KLHL29: variants seen among roughly 807,000 people sequenced by gnomAD.
KLHL29 encodes the protein kelch-like protein 29.
In KLHL29, 21 loss-of-function variants were observed where a neutral mutation model predicts 80.4. The ratio of observed to expected loss-of-function variants is 0.26; its 90% CI spans 0.19 to 0.38. The LOEUF (loss-of-function observed/expected upper bound fraction) is 0.38. KLHL29 is among the 10% of genes least tolerant of loss of function. The probability of loss-of-function intolerance (pLI) is 1.00; values close to 1 mark genes in which losing one functional copy is unlikely to be tolerated. For missense variants in KLHL29, 867 were observed against 1,223.9 expected (o/e 0.71, Z 4.35); for synonymous variants, 511 against 526.8 (o/e 0.97, Z 0.41).
At chr2:23,532,104 A>C (rs573761053) in intron 2 of KLHL29, among the ~76,000 whole-genome samples, 2 of 152,078 alleles carry the variant, frequency 1.3e-5, no homozygotes, top group South Asian at 4.1e-4. Flanking sequence ...ACGACCCCCC[A>C]CAGACCAGAA....
intron 7 of KLHL29, 21 bp downstream of exon 7, chr2:23,691,897 T>C (rs945625847): frequency 6.5e-7 from 1 of 1,545,250 alleles, no homozygotes; most frequent in East Asian, 2.4e-5. Context: ...GGGCCACATA[T>C]GTCGCTTGGG....
intron 1 of KLHL29, among the ~76,000 whole-genome samples, chr2:23,448,163 C>G (rs1663764634): frequency 6.6e-6 from 1 of 152,048 alleles, no homozygotes; most frequent in African/African-American, 2.4e-5. Flanking sequence ...TGTGAGAAGA[C>G]TAGGAAAGAG....
chr2:23,488,847 A>G (rs1273588240), intron 2 of KLHL29, among the ~76,000 whole-genome samples: 1 of 152,192 alleles, frequency 6.6e-6, no homozygotes, highest in Non-Finnish European at 1.5e-5. Flanking sequence ...TCTGGTGACT[A>G]ATGCAAAGCC....
At chr2:23,598,260 A>G (rs111678842) in intron 3 of KLHL29, among the ~76,000 whole-genome samples, 180 of 152,332 alleles carry the variant, frequency 1.2e-3, no homozygotes, top group African/African-American at 4.2e-3. Flanking sequence ...TTTAAGATAA[A>G]AAAAAACCGA....
intron 1 of KLHL29, among the ~76,000 whole-genome samples, chr2:23,410,989 A>G (rs547277131): frequency 1.1e-4 from 17 of 152,192 alleles, no homozygotes; most frequent in South Asian, 2.1e-4. Flanking sequence ...TTTCTGAACA[A>G]TGAGCCTTCA....
chr2:23,609,141 G>A (rs1050232416), intron 3 of KLHL29, among the ~76,000 whole-genome samples: 2 of 152,104 alleles, frequency 1.3e-5, no homozygotes, highest in Non-Finnish European at 2.9e-5. Context: ...TAAGTGTCTC[G>A]AACATGCCAG....
At chr2:23,554,653 A>T (rs1356574242) in intron 2 of KLHL29, among the ~76,000 whole-genome samples, 4 of 152,162 alleles carry the variant, frequency 2.6e-5, no homozygotes, top group Admixed American at 1.3e-4. Context: ...CATCCCGCCC[A>T]TGAGCTCAGG....
intron 3 of KLHL29, among the ~76,000 whole-genome samples, chr2:23,572,029 T>A (rs973190456): frequency 1.3e-5 from 2 of 152,210 alleles, no homozygotes; most frequent in Non-Finnish European, 2.9e-5. Context: ...CACTCGCTGC[T>A]GCATACAGGG....
At chr2:23,664,161 G>A (rs1447334350) in intron 5 of KLHL29, among the ~76,000 whole-genome samples, 2 of 152,190 alleles carry the variant, frequency 1.3e-5, no homozygotes, top group Non-Finnish European at 2.9e-5. Context: ...ACTTAATAGA[G>A]TTAATCACCT....
chr2:23,593,215 G>C (rs1193944529), intron 3 of KLHL29, among the ~76,000 whole-genome samples: 1 of 152,324 alleles, frequency 6.6e-6, no homozygotes, highest in South Asian at 2.1e-4. Context: ...CTTGTTGACT[G>C]TCCAGGACTT....
Position 23,670,966 on chromosome 2 carries a change from C to G in KLHL29, c.941-13433C>G, listed in dbSNP as rs960686029. Reference sequence around the variant, plus strand: ...TCTCTCTCTCTCTCTCTCTCTCTCTCTCTCTCTCTCTCTCCCTCCCTCCCT... The same window carrying G: ...TCTCTCTCTCTCTCTCTCTCTCTCTGTCTCTCTCTCTCTCCCTCCCTCCCT... On this transcript the variant is annotated intron_variant, in intron 5 of 13. Coordinates refer to ENST00000486442, the MANE Select transcript of KLHL29 (RefSeq NM_052920.2). Among the ~76,000 whole-genome samples, 2 of 24,296 alleles carry G rather than the reference C, an allele frequency of 8.2e-5. 1 individual carries two copies. Among genetic ancestry groups the G allele is most frequent in the African/African-American group, 2.0e-4 (2 of 10,242 alleles). The allele number at this position is 24,296 out of a possible 152,430, so 15.9% of individuals were successfully genotyped here.
intron 1 of KLHL29, among the ~76,000 whole-genome samples, chr2:23,415,124 C>A (rs1283554461): frequency 6.6e-6 from 1 of 152,230 alleles, no homozygotes; most frequent in Non-Finnish European, 1.5e-5. Flanking sequence ...GCTGCAAATG[C>A]TGCAGTTCTG....
chr2:23,506,516 G>A (rs188003058), intron 2 of KLHL29, among the ~76,000 whole-genome samples: 16 of 152,254 alleles, frequency 1.1e-4, no homozygotes, highest in Non-Finnish European at 1.6e-4. Flanking sequence ...TTACTCCACC[G>A]CCTTGCCAGG....
chr2:23,532,997 C>A (rs1039219114), intron 2 of KLHL29, among the ~76,000 whole-genome samples: 1 of 152,162 alleles, frequency 6.6e-6, no homozygotes, highest in African/African-American at 2.4e-5. Flanking sequence ...CTGCAACTCA[C>A]AGGCCCCCAA....
intron 3 of KLHL29, among the ~76,000 whole-genome samples, chr2:23,605,235 C>T (rs1302425461): frequency 1.3e-5 from 2 of 151,784 alleles, no homozygotes; most frequent in African/African-American, 4.8e-5. Context: ...TCTCAGCCTC[C>T]TGAGTAGCTG....
chr2:23,615,975 G>C (rs997483222), intron 3 of KLHL29, among the ~76,000 whole-genome samples: 1 of 152,124 alleles, frequency 6.6e-6, no homozygotes, highest in African/African-American at 2.4e-5. Flanking sequence ...GTGGCCTCTG[G>C]GCTTCCAGTT....
chr2:23,684,425 C>T lies in KLHL29; in HGVS notation c.967C>T (p.Arg323Cys), dbSNP rs1671178672. ...REMLKELNQQ[R>C]RAKAFTDLKI... is the part of the protein sequence containing the mutation. ...AATGTTGAAGGAATTGAACCAGCAA[C>T]GCAGAGCGAAAGCGTTTACAGACCT... is the stretch of plus-strand genomic sequence containing the variant. Residue 323 changes from arginine (R) to cysteine (C), a missense_variant, in exon 6 of 14, where the codon CGC (arginine) becomes TGC (cysteine). Transcript: ENST00000486442. The surrounding 1 kb of genome is among the most constrained non-coding windows in gnomAD (Gnocchi z 4.4). The T allele has an allele frequency of 3.2e-6, 5 of 1,547,444 alleles. No individual in the cohort carries two copies. The highest frequency in any genetic ancestry group is 4.4e-6 in the Non-Finnish European group (5 of 1,145,512).
At chr2:23,432,406 A>G (rs1210775772) in intron 1 of KLHL29, among the ~76,000 whole-genome samples, 2 of 152,080 alleles carry the variant, frequency 1.3e-5, no homozygotes, top group Non-Finnish European at 1.5e-5. Context: ...TTAAATGGGG[A>G]AGCTTTCTAT....
In KLHL29 at chr2:23,588,077, A is replaced by T. The variant is rs531164093; in HGVS notation, c.285+25596A>T. On this transcript the variant is annotated intron_variant, in intron 3 of 13. Coordinates refer to ENST00000486442, the MANE Select transcript of KLHL29 (RefSeq NM_052920.2). ...TCATCCTTCTCTGTAACCTCTGACA[A>T]TTCTGGATGACCTGGTCCCCGCCAT... Among the ~76,000 whole-genome samples the T allele has an allele frequency of 1.9e-3, 284 of 152,200 alleles. 1 individual carries two copies. The highest frequency in any genetic ancestry group is 3.6e-3 in the Non-Finnish European group (243 of 67,996).
Sources: allele counts gnomAD v4.1 joint callset (sites outside exome capture counted in the v4.1 genomes callset), GRCh38; gene constraint gnomAD v4.1.1; non-coding constraint Gnocchi (gnomAD v3.1); transcripts MANE v1.5; gene names NCBI Gene and HGNC (gene_info 2026-07-23, HGNC 2026-07-21).